The following DLG4 variants were observed in gnomAD, a reference collection of about 807,000 sequenced individuals.
The protein encoded by DLG4 is disks large homolog 4.
A neutral mutation model predicts 93.8 loss-of-function variants in DLG4; 7 were observed. The ratio of observed to expected loss-of-function variants is 0.07; its 90% CI spans 0.04 to 0.14. The LOEUF is 0.14. DLG4 is among the 10% of genes least tolerant of loss of function. The pLI is 1.00. For synonymous variants in DLG4, 341 were observed against 387.6 expected, an observed-to-expected ratio of 0.88 and a Z score of 1.41; for missense variants, 545 against 992.9, an observed-to-expected ratio of 0.55 and a Z score of 6.06.
At position 7,193,452 on chromosome 17, in the gene DLG4, C is replaced by T. The variant is rs1386535731; in HGVS notation, c.1693+31G>A. The T allele has an allele frequency of 4.0e-6, 6 of 1,511,136 alleles. No homozygotes were observed. The highest frequency in any genetic ancestry group is 4.4e-6 in the Non-Finnish European group (5 of 1,132,824). 93.6% of individuals were successfully genotyped at this position (1,511,136 alleles called of 1,614,324 possible). A position where few individuals can be genotyped will look rare whatever the true frequency, so the allele number is the denominator to read the frequency against. On this transcript the variant is annotated intron_variant, in intron 16 of 19. Transcript: ENST00000399506. This position sits in a 1 kb window ranked among gnomAD's most constrained non-coding sequence, Gnocchi z 6.7. Reference sequence around the variant, plus strand: ...TCCCCTGCCCCACCCCCACTTCCACCTTCTCCTCCATCCAAGGCCCCAGCA... The same window carrying T: ...TCCCCTGCCCCACCCCCACTTCCACTTTCTCCTCCATCCAAGGCCCCAGCA...
intron 2 of DLG4, among the ~76,000 whole-genome samples, chr17:7,207,329 A>AAG (rs991430691): frequency 6.6e-6 from 1 of 151,700 alleles, no homozygotes; most frequent in Non-Finnish European, 1.5e-5. Flanking sequence ...GCGTGGGAGG[A>AAG]AGAGAGAGAC....
rs1359797941 is a variant in DLG4 at position 7,195,565 on chromosome 17, C to T, written c.1301+655G>A. 6.6e-6 allele frequency among the ~76,000 whole-genome samples: 1 copy of T among 152,018 alleles called. No homozygotes were observed. The highest frequency in any genetic ancestry group is 1.5e-5 in the Non-Finnish European group (1 of 68,008). On this transcript the variant is annotated intron_variant, in intron 11 of 19. Transcript: ENST00000399506. This position sits in a 1 kb window ranked among gnomAD's most constrained non-coding sequence, Gnocchi z 4.3. The stretch of plus-strand genomic sequence containing the variant: ...CTGTGGGACATCCCAGTGGAGATGG[C>T]CAGAAAGCCAATGGCCAGAAGTGCA...
At chr17:7,216,987 A>C in intron 1 of DLG4, 131 bp downstream of exon 1, 1 of 910,398 alleles carries the variant, frequency 1.1e-6, no homozygotes, top group South Asian at 5.6e-5. Flanking sequence ...CCAAAACTAA[A>C]TTAAGACCCC....
chr17:7,218,340 C>T (rs1597510043), upstream of DLG4: 13 of 1,550,260 alleles, frequency 8.4e-6, no homozygotes, highest in East Asian at 2.8e-4. Flanking sequence ...GGCACATCAC[C>T]CCTGTCATCA....
Position 7,196,940 on chromosome 17 carries a change from G to A in DLG4, c.900C>T (p.Asp300=). Residue 300 remains aspartate, a synonymous_variant, in exon 9 of 20, where the codon GAC becomes GAT. Coordinates refer to ENST00000399506, the MANE Select transcript of DLG4 (RefSeq NM_001321075.3). The surrounding 1 kb of genome is among the most constrained non-coding windows in gnomAD (Gnocchi z 8.3). The part of the protein sequence containing the change: ...SPRRYSPVAK[D]LLGEEDIPRE... ...GGGGAATGTCTTCCTCCCCGAGCAG[G>A]TCCTTGGCCACTGGAGAGTAGCGCC... The A allele has an allele frequency of 1.2e-6, 2 of 1,613,832 alleles. No homozygotes were observed. The highest frequency in any genetic ancestry group is 2.2e-5 in the East Asian group (1 of 44,870).
upstream of DLG4, chr17:7,219,504 T>C: frequency 9.4e-7 from 1 of 1,063,818 alleles, no homozygotes; most frequent in Non-Finnish European, 1.1e-6. Flanking sequence ...CCCCCACCAC[T>C]GTACCCTCCC....
At position 7,196,205 on chromosome 17, in the gene DLG4, C is replaced by T. The variant is rs367715515; in HGVS notation, c.1301+15G>A. 3.7e-5 allele frequency: 59 copies of T among 1,604,474 alleles called. No homozygotes were observed. Among genetic ancestry groups the T allele is most frequent in the East Asian group, 1.8e-4 (8 of 44,798 alleles). On this transcript the variant is annotated intron_variant, in intron 11 of 19. Transcript: ENST00000399506. The surrounding 1 kb of genome is among the most constrained non-coding windows in gnomAD (Gnocchi z 8.3). ...CGCAGAGGGGCTGAGGAGTCCAGCC[C>T]GGGAAGCCTCTGACCTGATGTAGAA...
At chr17:7,211,625 G>T in intron 1 of DLG4, 1 of 950,900 alleles carries the variant, frequency 1.1e-6, no homozygotes, top group Non-Finnish European at 1.3e-6. Flanking sequence ...CCGGGAAGGG[G>T]GAGCGGGCCG....
chr17:7,191,941 A>G lies in DLG4; in HGVS notation c.1928T>C (p.Leu643Pro). ...GCGGATGAAGATGGCGATGGGGTGCAGGTGGGCCGCCTGCAGCCGCCGCAC... is the reference window on the plus strand; with the variant it reads ...GCGGATGAAGATGGCGATGGGGTGCGGGTGGGCCGCCTGCAGCCGCCGCAC... The part of the protein sequence containing the change: ...NAVRRLQAAH[L>P]HPIAIFIRPR... Residue 643 changes from leucine to proline, a missense_variant, in exon 18 of 20, where the codon CTG becomes CCG. Coordinates refer to ENST00000399506, the MANE Select transcript of DLG4 (RefSeq NM_001321075.3). This position sits in a 1 kb window ranked among gnomAD's most constrained non-coding sequence, Gnocchi z 6.6. The G allele has an allele frequency of 6.9e-7, 1 of 1,453,174 alleles. No homozygotes were observed. Among genetic ancestry groups the G allele is most frequent in the Non-Finnish European group, 9.1e-7 (1 of 1,092,948 alleles). The allele number at this position is 1,453,174 out of a possible 1,614,324, so 90.0% of individuals were successfully genotyped here. A position where few individuals can be genotyped will look rare whatever the true frequency, so the allele number is the denominator to read the frequency against.
rs1323790463 is a variant in DLG4 at position 7,203,849 on chromosome 17, C to G, written c.211-33G>C. 5 of 1,611,204 alleles carry G rather than the reference C, an allele frequency of 3.1e-6. No individual in the cohort carries two copies. The Admixed American group carries it at 8.4e-5, about 27-fold the overall frequency. ...AAGGAGGGGAAGAGGGTCAGCTCCCCTCACTGCCCAAGTCTGGCAAGGCAA... is the reference window on the plus strand; with the variant it reads ...AAGGAGGGGAAGAGGGTCAGCTCCCGTCACTGCCCAAGTCTGGCAAGGCAA... On this transcript the variant is annotated intron_variant, in intron 4 of 19. Coordinates refer to ENST00000399506, the MANE Select transcript of DLG4 (RefSeq NM_001321075.3). This position sits in a 1 kb window ranked among gnomAD's most constrained non-coding sequence, Gnocchi z 7.2.
At position 7,194,671 on chromosome 17, in the gene DLG4, T is replaced by G. The variant is rs879778672; in HGVS notation, c.1302-176A>C. Among the ~76,000 whole-genome samples the G allele has an allele frequency of 2.0e-5, 3 of 152,134 alleles. No homozygotes were observed. Among genetic ancestry groups the G allele is most frequent in the Non-Finnish European group, 2.9e-5 (2 of 68,026 alleles). ...GCTGACTATAACTCATAACAACTATTAGCCATCACTCAGTCCACACTGAGC... is the reference window on the plus strand; with the variant it reads ...GCTGACTATAACTCATAACAACTATGAGCCATCACTCAGTCCACACTGAGC... On this transcript the variant is annotated intron_variant, in intron 11 of 19. Coordinates refer to ENST00000399506, the MANE Select transcript of DLG4 (RefSeq NM_001321075.3). This position sits in a 1 kb window ranked among gnomAD's most constrained non-coding sequence, Gnocchi z 4.4.
rs754682597 is a variant in DLG4, at chr17:7,203,586, C to T, written c.343G>A (p.Asp115Asn). 6.2e-7 allele frequency: 1 copy of T among 1,610,850 alleles called. No homozygotes were observed. Among genetic ancestry groups the T allele is most frequent in the Non-Finnish European group, 8.5e-7 (1 of 1,177,400 alleles). The change falls in exon 6 of 20, where the codon GAC becomes AAC. Residue 115 changes from aspartate (D) to asparagine (N), a missense_variant. By Grantham distance (23) the Asp-to-Asn change is conservative. This residue lies in a region of DLG4 where 33 missense variants were observed against 107.5 expected (regional missense o/e 0.31). Transcript: ENST00000399506. This position sits in a 1 kb window ranked among gnomAD's most constrained non-coding sequence, Gnocchi z 7.2. ...ACTTCATTTACAAACAGGATGCTGT[C>T]GTTGACCCTGGGAGCAGCAAGGTGG... ...AAQDGRLRVNDSILFVNEVDV... is the reference protein window; with the variant it reads ...AAQDGRLRVNNSILFVNEVDV...
In DLG4 at chr17:7,188,024, C is replaced by T. The variant is rs1233263708; in HGVS notation, c.*2684G>A. On this transcript the variant is annotated 3_prime_UTR_variant, in exon 20 of 20. Transcript: ENST00000399506. ...GTTGGAGGTTGCAGTGAGCCGAGATCGCGCCATTGCACTCCAGCTTGGGCA... is the reference window on the plus strand; with the variant it reads ...GTTGGAGGTTGCAGTGAGCCGAGATTGCGCCATTGCACTCCAGCTTGGGCA... Among the ~76,000 whole-genome samples, 3 of 149,948 alleles carry T rather than the reference C, an allele frequency of 2.0e-5. No homozygotes were observed. Among genetic ancestry groups the T allele is most frequent in the Admixed American group, 6.7e-5 (1 of 14,972 alleles).
upstream of DLG4, chr17:7,219,926 G>A: frequency 3.2e-6 from 5 of 1,573,044 alleles, no homozygotes; most frequent in Non-Finnish European, 3.4e-6. Flanking sequence ...GGACGTGGGC[G>A]TGCAGGACGC....
At chr17:7,207,147 G>C (rs531729611) in intron 2 of DLG4, among the ~76,000 whole-genome samples, 1 of 151,950 alleles carries the variant, frequency 6.6e-6, no homozygotes, top group South Asian at 2.1e-4. Flanking sequence ...GCAGAGGTGA[G>C]AACCCAAGAG....
chr17:7,191,491 C>T lies in DLG4; in HGVS notation c.1977-133G>A, dbSNP rs1362221121. 3.9e-6 allele frequency: 3 copies of T among 764,164 alleles called. No individual in the cohort carries two copies. Among genetic ancestry groups the T allele is most frequent in the East Asian group, 2.7e-5 (1 of 37,272 alleles). 47.3% of individuals were successfully genotyped at this position (764,164 alleles called of 1,614,324 possible). A position where few individuals can be genotyped will look rare whatever the true frequency, so the allele number is the denominator to read the frequency against. On this transcript the variant is annotated intron_variant, in intron 18 of 19. Coordinates refer to ENST00000399506, the MANE Select transcript of DLG4 (RefSeq NM_001321075.3). The surrounding 1 kb of genome is among the most constrained non-coding windows in gnomAD (Gnocchi z 6.6). ...AAAAAAAAAATACAATTCCCAATATCCTCTGGGGCCACAGATGAGAACCAC... is the reference window on the plus strand; with the variant it reads ...AAAAAAAAAATACAATTCCCAATATTCTCTGGGGCCACAGATGAGAACCAC...
rs1187087582 is a variant in DLG4 at position 7,208,866 on chromosome 17, G to C, written c.31-627C>G. On this transcript the variant is annotated intron_variant, in intron 1 of 19. Transcript: ENST00000399506. This position sits in a 1 kb window ranked among gnomAD's most constrained non-coding sequence, Gnocchi z 5.4. ...CACCCCTTCCACCAGAAGGTACTTGGTATCAGCCCCCGAGACAGGACAAGG... is the reference window on the plus strand; with the variant it reads ...CACCCCTTCCACCAGAAGGTACTTGCTATCAGCCCCCGAGACAGGACAAGG... Among the ~76,000 whole-genome samples, 8 of 152,058 alleles carry C rather than the reference G, an allele frequency of 5.3e-5. No individual in the cohort carries two copies. The highest frequency in any genetic ancestry group is 1.2e-4 in the Non-Finnish European group (8 of 68,016).
At position 7,194,752 on chromosome 17, in the gene DLG4, A is replaced by G. The variant is rs779976019; in HGVS notation, c.1302-257T>C. ...CCCTCTCAAGAAAGCAGTTTGGGCCAGGCGTGGTGGCTCCCACCTGGAATC... is the reference window on the plus strand; with the variant it reads ...CCCTCTCAAGAAAGCAGTTTGGGCCGGGCGTGGTGGCTCCCACCTGGAATC... On this transcript the variant is annotated intron_variant, in intron 11 of 19. Coordinates refer to ENST00000399506, the MANE Select transcript of DLG4 (RefSeq NM_001321075.3). The surrounding 1 kb of genome is among the most constrained non-coding windows in gnomAD (Gnocchi z 4.4). Among the ~76,000 whole-genome samples the G allele has an allele frequency of 1.3e-5, 2 of 152,230 alleles. No homozygotes were observed. Among genetic ancestry groups the G allele is most frequent in the Non-Finnish European group, 2.9e-5 (2 of 68,044 alleles).
Position 7,188,248 on chromosome 17 carries a change from C to A in DLG4, c.*2460G>T, listed in dbSNP as rs907709339. 1.3e-5 allele frequency among the ~76,000 whole-genome samples: 2 copies of A among 152,152 alleles called. No homozygotes were observed. Among genetic ancestry groups the A allele is most frequent in the Non-Finnish European group, 2.9e-5 (2 of 68,044 alleles). ...TACGTGGCTACTGGTTGAAGTGACA[C>A]CCCTTCAGCAATCTCTGCCTCTATT... On this transcript the variant is annotated 3_prime_UTR_variant, in exon 20 of 20. Transcript: ENST00000399506.
Sources: allele counts gnomAD v4.1 joint callset (sites outside exome capture counted in the v4.1 genomes callset), GRCh38; gene constraint gnomAD v4.1.1; regional missense constraint gnomAD v4.1.1; non-coding constraint Gnocchi (gnomAD v3.1); transcripts MANE v1.5; gene names NCBI Gene and HGNC (gene_info 2026-07-23, HGNC 2026-07-21).